CLSTN2: variants seen among roughly 807,000 people sequenced by gnomAD.
The protein encoded by CLSTN2 is calsyntenin 2.
Under a neutral mutation model 101.2 loss-of-function variants are expected in CLSTN2, and 48 were observed. That is an observed-to-expected ratio of 0.47 (90% confidence interval 0.38 to 0.60). CLSTN2 has a LOEUF of 0.60. Among genes scored for constraint, CLSTN2 ranks in the 20% least tolerant of loss-of-function variants. The pLI, the probability that CLSTN2 is intolerant of heterozygous loss-of-function variation, is 0.00. For missense variants in CLSTN2, 1,160 were observed against 1,238.2 expected (o/e 0.94, Z 0.95); for synonymous variants, 481 against 463.6 (o/e 1.04, Z -0.48).
intron 1 of CLSTN2, among the ~76,000 whole-genome samples, chr3:139,986,422 C>A (rs151224667): frequency 6.8e-4 from 104 of 152,186 alleles, no homozygotes; most frequent in African/African-American, 2.1e-3. Context: ...GTATCTTGCC[C>A]AATGTAAGTG....
intron 1 of CLSTN2, among the ~76,000 whole-genome samples, chr3:140,164,422 T>C (rs889934257): frequency 2.0e-5 from 3 of 152,176 alleles, no homozygotes; most frequent in South Asian, 4.1e-4. Context: ...TAGTCACCAA[T>C]GAGCCAGCTC....
chr3:140,154,509 C>T (rs1007545282), intron 1 of CLSTN2, among the ~76,000 whole-genome samples: 13 of 151,762 alleles, frequency 8.6e-5, no homozygotes, highest in Non-Finnish European at 1.2e-4. Context: ...TGGTAATTTA[C>T]GAAGAAAAGA....
At chr3:140,134,942 A>G (rs2107805859) in intron 1 of CLSTN2, among the ~76,000 whole-genome samples, 1 of 151,826 alleles carries the variant, frequency 6.6e-6, no homozygotes, top group Non-Finnish European at 1.5e-5. Context: ...GACTATATGA[A>G]CATTTTAGAA....
chr3:140,017,643 C>T (rs1026750872), intron 1 of CLSTN2, among the ~76,000 whole-genome samples: 8 of 152,154 alleles, frequency 5.3e-5, no homozygotes, highest in South Asian at 4.1e-4. Flanking sequence ...AGTTGGGCAG[C>T]GGGGCCCATC....
intron 2 of CLSTN2, among the ~76,000 whole-genome samples, chr3:140,287,271 C>CA (rs982259217): frequency 3.3e-5 from 5 of 151,330 alleles, no homozygotes; most frequent in Admixed American, 6.6e-5. Context: ...GAAGCCAGGC[C>CA]AAAAAAAAGT....
intron 2 of CLSTN2, among the ~76,000 whole-genome samples, chr3:140,246,127 G>C (rs1305213540): frequency 1.3e-5 from 2 of 152,130 alleles, no homozygotes; most frequent in African/African-American, 4.8e-5. Flanking sequence ...TATGAACCAA[G>C]AATGACACTG....
intron 1 of CLSTN2, among the ~76,000 whole-genome samples, chr3:140,078,648 A>T (rs1020327712): frequency 1.3e-5 from 2 of 152,176 alleles, no homozygotes; most frequent in African/African-American, 4.8e-5. Flanking sequence ...TGTGGGGTTA[A>T]TGGTAAGCTT....
In CLSTN2 at chr3:140,374,581, A is replaced by C. The variant is rs187581876; in HGVS notation, c.233-29048A>C. 2.9e-3 allele frequency among the ~76,000 whole-genome samples: 436 copies of C among 152,334 alleles called. 4 individuals carry two copies. Among genetic ancestry groups the C allele is most frequent in the African/African-American group, 9.4e-3 (390 of 41,584 alleles). On this transcript the variant is annotated intron_variant, in intron 2 of 16. Coordinates refer to ENST00000458420, the MANE Select transcript of CLSTN2 (RefSeq NM_022131.3). ...TGAAAAAAGAAGACCCCAGATATTA[A>C]ATAATATGGTATTACAAATAACTTA...
At chr3:140,362,477 A>T (rs2107950815) in intron 2 of CLSTN2, among the ~76,000 whole-genome samples, 1 of 152,340 alleles carries the variant, frequency 6.6e-6, no homozygotes, top group South Asian at 2.1e-4. Flanking sequence ...CAAAATTTTA[A>T]ACTTTTGTGC....
At chr3:140,386,729 T>C (rs2088055667) in intron 2 of CLSTN2, among the ~76,000 whole-genome samples, 1 of 152,166 alleles carries the variant, frequency 6.6e-6, no homozygotes, top group South Asian at 2.1e-4. Flanking sequence ...TCTCTCTCCC[T>C]TTCTCTGGGC....
rs1318568298 is a variant in CLSTN2, at chr3:140,195,671, T to C, written c.232+19598T>C. Among the ~76,000 whole-genome samples the C allele has an allele frequency of 3.3e-5, 5 of 152,316 alleles. No homozygotes were observed. In the South Asian group the frequency reaches 8.3e-4, roughly 25 times the overall value. On this transcript the variant is annotated intron_variant, in intron 2 of 16. Coordinates refer to ENST00000458420, the MANE Select transcript of CLSTN2 (RefSeq NM_022131.3). ...TTTCCAAATGTATATTAAAAAGTAA[T>C]TTAGTTTTATCTATAAAGCATCATG...
At position 140,433,660 on chromosome 3, in the gene CLSTN2, A is replaced by G. The variant is rs1157867347; in HGVS notation, c.787+12386A>G. Among the ~76,000 whole-genome samples, 9 of 152,284 alleles carry G rather than the reference A, an allele frequency of 5.9e-5. No homozygotes were observed. The East Asian group carries it at 1.7e-3, about 29-fold the overall frequency. On this transcript the variant is annotated intron_variant, in intron 5 of 16. Coordinates refer to ENST00000458420, the MANE Select transcript of CLSTN2 (RefSeq NM_022131.3). The stretch of plus-strand genomic sequence containing the variant: ...TGGATAAGTCAGTGAACCTCTCAGA[A>G]CCCTCAGATGTGGCATCTGCAAAAT...
intron 2 of CLSTN2, among the ~76,000 whole-genome samples, chr3:140,341,175 C>T (rs2087488220): frequency 6.6e-6 from 1 of 152,154 alleles, no homozygotes; most frequent in Non-Finnish European, 1.5e-5. Context: ...CCCCAGTGAG[C>T]ATAATTACTT....
At chr3:140,484,535 C>T (rs928741379) in intron 8 of CLSTN2, among the ~76,000 whole-genome samples, 2 of 152,172 alleles carry the variant, frequency 1.3e-5, no homozygotes, top group African/African-American at 2.4e-5. Context: ...GGGAAGTTCT[C>T]CTGGATAATA....
intron 2 of CLSTN2, among the ~76,000 whole-genome samples, chr3:140,190,222 G>T (rs1169639404): frequency 6.6e-6 from 1 of 152,032 alleles, no homozygotes; most frequent in Non-Finnish European, 1.5e-5. Flanking sequence ...GAACATAGCA[G>T]GCATGTTGTA....
At chr3:140,307,524 A>C (rs926276175) in intron 2 of CLSTN2, among the ~76,000 whole-genome samples, 1 of 152,236 alleles carries the variant, frequency 6.6e-6, no homozygotes, top group African/African-American at 2.4e-5. Context: ...AGGATTCAGC[A>C]TAAAGTATGT....
chr3:140,130,087 A>G (rs922064247), intron 1 of CLSTN2, among the ~76,000 whole-genome samples: 2 of 152,188 alleles, frequency 1.3e-5, no homozygotes, highest in Non-Finnish European at 1.5e-5. Context: ...AAACTCCTGC[A>G]TGTTGCAATG....
intron 1 of CLSTN2, among the ~76,000 whole-genome samples, chr3:140,169,972 A>G (rs1576453613): frequency 1.3e-5 from 2 of 152,188 alleles, no homozygotes; most frequent in African/African-American, 4.8e-5. Context: ...ATGAGTAATG[A>G]TGGGATGATT....
intron 1 of CLSTN2, among the ~76,000 whole-genome samples, chr3:140,124,570 T>C (rs1178390224): frequency 1.3e-5 from 2 of 151,994 alleles, no homozygotes; most frequent in Admixed American, 1.3e-4. Context: ...TAAAGATAAG[T>C]CCCCTGTATT....
Sources: gnomAD v4.1 joint callset for allele counts (sites outside exome capture counted in the v4.1 genomes callset) on GRCh38, gnomAD v4.1.1 for gene constraint, MANE v1.5 for transcripts, NCBI Gene and HGNC (gene_info 2026-07-23, HGNC 2026-07-21) for gene names.